Variants in RGS6 observed in about 807,000 individuals in gnomAD.
RGS6 encodes the protein regulator of G protein signaling 6.
In RGS6, 30 loss-of-function variants were observed where a neutral mutation model predicts 78.5. The observed-to-expected ratio is 0.38, with a 90% CI of 0.29 to 0.52. The LOEUF (loss-of-function observed/expected upper bound fraction) is 0.52. Ranked by LOEUF, RGS6 falls within the 20% of genes least tolerant of loss-of-function variation. RGS6 has a pLI of 0.85. For synonymous variants in RGS6, 206 were observed against 206.0 expected, an observed-to-expected ratio of 1.00 and a Z score of 0.00; for missense variants, 495 against 609.7, an observed-to-expected ratio of 0.81 and a Z score of 1.98.
chr14:72,113,381 T>C (rs895658300), intron 2 of RGS6, among the ~76,000 whole-genome samples: 2 of 152,212 alleles, frequency 1.3e-5, no homozygotes, highest in Non-Finnish European at 2.9e-5. Context: ...GAGTGCACTT[T>C]CTGCTAAAGT....
intron 2 of RGS6, among the ~76,000 whole-genome samples, chr14:72,183,120 A>G (rs2153702413): frequency 6.6e-6 from 1 of 152,314 alleles, no homozygotes; most frequent in South Asian, 2.1e-4. Flanking sequence ...GCAGGTTTAA[A>G]AGCCCTTTTT....
At chr14:72,048,538 A>T (rs747315648) in intron 2 of RGS6, among the ~76,000 whole-genome samples, 1 of 152,194 alleles carries the variant, frequency 6.6e-6, no homozygotes, top group African/African-American at 2.4e-5. Flanking sequence ...CAGAATGGAA[A>T]TTTATGGTCA....
At chr14:72,559,931 C>T (rs1311969674) in intron 17 of RGS6, among the ~76,000 whole-genome samples, 1 of 152,126 alleles carries the variant, frequency 6.6e-6, no homozygotes, top group Non-Finnish European at 1.5e-5. Context: ...ACATAATCCT[C>T]CAGAAATAGA....
intron 1 of RGS6, among the ~76,000 whole-genome samples, chr14:71,946,604 A>G (rs1449720913): frequency 6.6e-6 from 1 of 152,192 alleles, no homozygotes; most frequent in Non-Finnish European, 1.5e-5. Context: ...AAAGTTAGGG[A>G]GAGATGACTT....
intron 2 of RGS6, among the ~76,000 whole-genome samples, chr14:72,156,761 G>A (rs955020894): frequency 6.6e-6 from 1 of 152,226 alleles, no homozygotes; most frequent in African/African-American, 2.4e-5. Flanking sequence ...ATGTCCACAA[G>A]CTGTGGTTAA....
At chr14:72,159,729 G>A (rs2096826717) in intron 2 of RGS6, among the ~76,000 whole-genome samples, 1 of 152,040 alleles carries the variant, frequency 6.6e-6, no homozygotes, top group South Asian at 2.1e-4. Flanking sequence ...GAAACACTCA[G>A]AACACTGCAC....
chr14:72,011,655 G>A (rs2153229793), intron 2 of RGS6, among the ~76,000 whole-genome samples: 1 of 152,208 alleles, frequency 6.6e-6, no homozygotes, highest in East Asian at 1.9e-4. Flanking sequence ...TATTGTATTA[G>A]GTATTATAAC....
the RGS6 span, among the ~76,000 whole-genome samples, chr14:72,609,381 C>T: frequency 2.6e-5 from 4 of 152,298 alleles, no homozygotes; most frequent in South Asian, 8.3e-4. Context: ...GGTCAGGAGT[C>T]CACATCAGGT....
intron 2 of RGS6, among the ~76,000 whole-genome samples, chr14:72,210,604 G>C (rs1288871311): frequency 1.3e-5 from 2 of 152,102 alleles, no homozygotes; most frequent in African/African-American, 4.8e-5. Flanking sequence ...ATGTTTGCGG[G>C]GATGGGAGGT....
chr14:72,070,158 CTG>C (rs542107919), intron 2 of RGS6, among the ~76,000 whole-genome samples: 1 of 151,746 alleles, frequency 6.6e-6, no homozygotes, highest in Admixed American at 6.6e-5. Context: ...CTGTCTCTCT[CTG>C]TGTGTGTGTG....
chr14:71,984,718 T>C (rs938968774), intron 2 of RGS6, among the ~76,000 whole-genome samples: 1 of 152,198 alleles, frequency 6.6e-6, no homozygotes, highest in Non-Finnish European at 1.5e-5. Context: ...GTGCTTTATA[T>C]AATTATAGCC....
chr14:72,561,459 G>T (rs555427402), intron 17 of RGS6, among the ~76,000 whole-genome samples: 2 of 152,348 alleles, frequency 1.3e-5, no homozygotes, highest in African/African-American at 4.8e-5. Flanking sequence ...CAATGATGCG[G>T]ATTTCTAAAG....
intron 2 of RGS6, among the ~76,000 whole-genome samples, chr14:72,080,016 C>G (rs2094749859): frequency 6.6e-6 from 1 of 152,090 alleles, no homozygotes; most frequent in African/African-American, 2.4e-5. Flanking sequence ...GGCAACTCTT[C>G]AGCACACTGA....
intron 3 of RGS6, among the ~76,000 whole-genome samples, chr14:72,397,833 G>A (rs2091692008): frequency 6.6e-6 from 1 of 152,128 alleles, no homozygotes; most frequent in Non-Finnish European, 1.5e-5. Flanking sequence ...CTTTGGTTCT[G>A]TTTATATGCT....
At chr14:72,104,030 C>T (rs564797747) in intron 2 of RGS6, among the ~76,000 whole-genome samples, 2 of 152,316 alleles carry the variant, frequency 1.3e-5, no homozygotes, top group East Asian at 3.9e-4. Context: ...TGTATTCTCT[C>T]TAGGCGTTTC....
At chr14:72,335,705 A>G (rs1483490993) in intron 2 of RGS6, among the ~76,000 whole-genome samples, 2 of 152,216 alleles carry the variant, frequency 1.3e-5, no homozygotes, top group African/African-American at 2.4e-5. Flanking sequence ...TGGGCCACAC[A>G]TAAAATATAC....
intron 14 of RGS6, among the ~76,000 whole-genome samples, chr14:72,514,364 G>A (rs1396782630): frequency 6.6e-6 from 1 of 152,226 alleles, no homozygotes; most frequent in Non-Finnish European, 1.5e-5. Context: ...GTGACTGAGG[G>A]CCTGCCCAGA....
intron 2 of RGS6, among the ~76,000 whole-genome samples, chr14:72,061,923 A>G (rs1437430328): frequency 3.9e-5 from 6 of 152,248 alleles, no homozygotes; most frequent in Non-Finnish European, 8.8e-5. Context: ...TAAACCAGGC[A>G]TAGCTCTCAA....
At chr14:72,492,851 T>C (rs1464727041) in intron 12 of RGS6, among the ~76,000 whole-genome samples, 1 of 152,146 alleles carries the variant, frequency 6.6e-6, no homozygotes, top group Non-Finnish European at 1.5e-5. Flanking sequence ...TCACACGCAT[T>C]CATTTGCAAG....
Sources: gnomAD v4.1 joint callset for allele counts (sites outside exome capture counted in the v4.1 genomes callset) on GRCh38, gnomAD v4.1.1 for gene constraint, MANE v1.5 for transcripts, NCBI Gene and HGNC (gene_info 2026-07-23, HGNC 2026-07-21) for gene names.